ZBTB16: variants seen among roughly 807,000 people sequenced by gnomAD.
ZBTB16 encodes zinc finger and BTB domain containing 16.
ZBTB16 carries 8 observed loss-of-function variants against 56.8 expected under a neutral mutation model. The observed-to-expected ratio is 0.14, with a 90% CI of 0.08 to 0.25. ZBTB16 has a LOEUF of 0.25. Among genes scored for constraint, ZBTB16 ranks in the 10% least tolerant of loss-of-function variants. ZBTB16 has a pLI of 1.00. For synonymous variants in ZBTB16, 363 were observed against 368.5 expected (o/e 0.98, Z 0.17); for missense variants, 625 against 903.0 (o/e 0.69, Z 3.95).
intron 2 of ZBTB16, among the ~76,000 whole-genome samples, chr11:114,076,496 C>T (rs1323883408): frequency 1.3e-5 from 2 of 152,226 alleles, no homozygotes; most frequent in African/African-American, 4.8e-5. Flanking sequence ...AAAGCTGCTT[C>T]GAAGGCGTTT....
intron 2 of ZBTB16, among the ~76,000 whole-genome samples, chr11:114,116,743 C>G (rs550633517): frequency 6.6e-6 from 1 of 152,084 alleles, no homozygotes; most frequent in African/African-American, 2.4e-5. Context: ...AAACATGTTC[C>G]CTAAGACAAT....
intron 4 of ZBTB16, among the ~76,000 whole-genome samples, chr11:114,201,280 C>T (rs1355790719): frequency 6.6e-6 from 1 of 152,124 alleles, no homozygotes; most frequent in Non-Finnish European, 1.5e-5. Context: ...GAGACAACCT[C>T]TTCTGAGTTA....
Position 114,256,719 on chromosome 11 carries a change from G to C in ZBTB16, c.*6164G>C, listed in dbSNP as rs577231009. 6.6e-6 allele frequency among the ~76,000 whole-genome samples: 1 copy of C among 152,168 alleles called. No individual in the cohort carries two copies. The highest frequency in any genetic ancestry group is 1.5e-5 in the Non-Finnish European group (1 of 68,026). On this transcript the variant is annotated 3_prime_UTR_variant, in exon 7 of 7. Transcript: ENST00000335953. ...GGGAGGGGATGGGTGGGAGGTGGCC[G>C]TGCAAGCTCTGCATTGTCATGGACG...
In ZBTB16 at chr11:114,119,179, C is replaced by T. The variant is rs1005307420; in HGVS notation, c.1269-37158C>T. On this transcript the variant is annotated intron_variant, in intron 2 of 6. Coordinates refer to ENST00000335953, the MANE Select transcript of ZBTB16 (RefSeq NM_006006.6). ...ACCTGAGAGGCTGAGGCAGGAGAAT[C>T]GCTTGAACCTGAGAGGCAGAGGTTG... is the stretch of plus-strand genomic sequence containing the variant. Among the ~76,000 whole-genome samples, 56 of 139,964 alleles carry T rather than the reference C, an allele frequency of 4.0e-4. No homozygotes were observed. In the Admixed American group the frequency reaches 4.4e-3, roughly 11 times the overall value. The allele number at this position is 139,964 out of a possible 152,430, so 91.8% of individuals were successfully genotyped here.
chr11:114,211,188 C>G (rs1943992275), intron 4 of ZBTB16, among the ~76,000 whole-genome samples: 1 of 152,220 alleles, frequency 6.6e-6, no homozygotes, highest in Admixed American at 6.5e-5. Context: ...TCCCAGAGTG[C>G]TGGGATTACA....
intron 2 of ZBTB16, among the ~76,000 whole-genome samples, chr11:114,125,211 A>G (rs1941473500): frequency 6.6e-6 from 1 of 152,218 alleles, no homozygotes; most frequent in Non-Finnish European, 1.5e-5. Context: ...TCTCCATTTC[A>G]GCTCTCCTCT....
intron 4 of ZBTB16, among the ~76,000 whole-genome samples, chr11:114,216,168 C>T (rs1365136788): frequency 6.6e-6 from 1 of 152,196 alleles, no homozygotes; most frequent in African/African-American, 2.4e-5. Flanking sequence ...TCCTCTCTTC[C>T]CAGTGCACCC....
rs181426000 is a variant in ZBTB16 at position 114,060,752 on chromosome 11, G to T, written c.-91+870G>T. Among the ~76,000 whole-genome samples, 3,303 of 152,152 alleles carry T rather than the reference G, an allele frequency of 0.022. 121 individuals carry two copies. The highest frequency in any genetic ancestry group is 0.074 in the African/African-American group (3,081 of 41,524). ...CGCACGGAGCGCTCCGCACCGACTCGCTCGCCGCCTCCCCGAGACGCTCGC... is the reference window on the plus strand; with the variant it reads ...CGCACGGAGCGCTCCGCACCGACTCTCTCGCCGCCTCCCCGAGACGCTCGC... On this transcript the variant is annotated intron_variant, in intron 1 of 6. Transcript: ENST00000335953. The surrounding 1 kb of genome is among the most constrained non-coding windows in gnomAD (Gnocchi z 6.0).
At chr11:114,086,003 T>C (rs939819072) in intron 2 of ZBTB16, among the ~76,000 whole-genome samples, 8 of 152,088 alleles carry the variant, frequency 5.3e-5, no homozygotes, top group African/African-American at 1.4e-4. Context: ...TTCTACGTAT[T>C]TAGTGATGGG....
intron 4 of ZBTB16, among the ~76,000 whole-genome samples, chr11:114,220,666 G>A (rs1286553776): frequency 6.6e-6 from 1 of 152,184 alleles, no homozygotes; most frequent in Non-Finnish European, 1.5e-5. Flanking sequence ...AGACATAGAT[G>A]GAAGAAAGTT....
intron 2 of ZBTB16, among the ~76,000 whole-genome samples, chr11:114,072,083 T>C (rs1401895497): frequency 1.3e-5 from 2 of 152,268 alleles, no homozygotes; most frequent in Non-Finnish European, 2.9e-5. Context: ...GGTATTTTTC[T>C]TGTCATTGTG....
chr11:114,174,451 T>C (rs1426504943), intron 3 of ZBTB16, among the ~76,000 whole-genome samples: 4 of 152,030 alleles, frequency 2.6e-5, no homozygotes, highest in Non-Finnish European at 5.9e-5. Flanking sequence ...GAAGCCAAGG[T>C]GGGCGGATCA....
intron 4 of ZBTB16, among the ~76,000 whole-genome samples, chr11:114,206,142 C>T (rs1225784626): frequency 6.6e-6 from 1 of 152,188 alleles, no homozygotes; most frequent in African/African-American, 2.4e-5. Context: ...ATATCGCCAA[C>T]CTTTCAAAAG....
intron 2 of ZBTB16, among the ~76,000 whole-genome samples, chr11:114,107,351 A>G (rs1354107475): frequency 6.6e-6 from 1 of 152,200 alleles, no homozygotes; most frequent in Non-Finnish European, 1.5e-5. Context: ...AACACTTCGC[A>G]TTTAGATCTA....
chr11:114,109,187 C>T (rs958191778), intron 2 of ZBTB16, among the ~76,000 whole-genome samples: 1 of 152,238 alleles, frequency 6.6e-6, no homozygotes, highest in African/African-American at 2.4e-5. Context: ...TTTGGCCTTT[C>T]AGTAGCTCTC....
chr11:114,118,813 C>G (rs952384880), intron 2 of ZBTB16, among the ~76,000 whole-genome samples: 1 of 152,126 alleles, frequency 6.6e-6, no homozygotes, highest in Non-Finnish European at 1.5e-5. Context: ...AGGAGGGTTG[C>G]GTCTCTGTGA....
chr11:114,099,079 G>A (rs1289791194), intron 2 of ZBTB16, among the ~76,000 whole-genome samples: 1 of 152,194 alleles, frequency 6.6e-6, no homozygotes, highest in Admixed American at 6.5e-5. Flanking sequence ...AAATCAATAT[G>A]TTTGCCATGT....
Position 114,143,678 on chromosome 11 carries a change from G to A in ZBTB16, c.1269-12659G>A, listed in dbSNP as rs1039567980. Among the ~76,000 whole-genome samples the A allele has an allele frequency of 2.0e-5, 3 of 152,170 alleles. No individual in the cohort carries two copies. Among genetic ancestry groups the A allele is most frequent in the Admixed American group, 6.5e-5 (1 of 15,280 alleles). ...TGGGGCCAACGTCCTTGTGCATTGA[G>A]GCTCCAGCCTCTCTTCTCCTCCATG... is the stretch of plus-strand genomic sequence containing the variant. On this transcript the variant is annotated intron_variant, in intron 2 of 6. Transcript: ENST00000335953. The surrounding 1 kb of genome is among the most constrained non-coding windows in gnomAD (Gnocchi z 6.4).
intron 2 of ZBTB16, among the ~76,000 whole-genome samples, chr11:114,124,570 A>AAAC (rs1941446500): frequency 4.1e-5 from 6 of 146,640 alleles, no homozygotes; most frequent in African/African-American, 1.5e-4. Flanking sequence ...AAAAAAAAAA[A>AAAC]AACAAAAACA....
Sources: gnomAD v4.1 joint callset for allele counts (sites outside exome capture counted in the v4.1 genomes callset) on GRCh38, gnomAD v4.1.1 for gene constraint, Gnocchi (gnomAD v3.1) non-coding constraint, MANE v1.5 for transcripts, NCBI Gene and HGNC (gene_info 2026-07-23, HGNC 2026-07-21) for gene names.